RGS7: variants seen among roughly 807,000 people sequenced by gnomAD.
RGS7 encodes regulator of G-protein signaling 7.
Under a neutral mutation model 81.1 loss-of-function variants are expected in RGS7, and 27 were observed. That is an observed-to-expected ratio of 0.33 (90% CI 0.25 to 0.46). RGS7 has a LOEUF of 0.46. RGS7 is among the 20% of genes least tolerant of loss of function. RGS7 has a pLI of 1.00. For missense variants in RGS7, 396 were observed against 607.4 expected (o/e 0.65, Z 3.66); for synonymous variants, 208 against 207.7 (o/e 1.00, Z -0.01).
chr1:241,034,544 CAA>C (rs140438950), intron 3 of RGS7, among the ~76,000 whole-genome samples: 2,988 of 152,196 alleles, frequency 0.02, 95 homozygotes, highest in African/African-American at 0.067. Context: ...CATTTGATGA[CAA>C]AGAGTCATGA....
chr1:241,043,131 T>C (rs1483878603), intron 3 of RGS7, among the ~76,000 whole-genome samples: 2 of 152,190 alleles, frequency 1.3e-5, no homozygotes, highest in African/African-American at 4.8e-5. Flanking sequence ...ACACGAGTTT[T>C]TGAAATTATT....
At chr1:241,286,698 GC>G (rs1310511428) in intron 2 of RGS7, among the ~76,000 whole-genome samples, 3 of 152,130 alleles carry the variant, frequency 2.0e-5, no homozygotes, top group Non-Finnish European at 4.4e-5. Flanking sequence ...CTGAACAAGT[GC>G]CAGCACCCTG....
intron 6 of RGS7, among the ~76,000 whole-genome samples, chr1:240,874,600 T>A (rs920614673): frequency 6.6e-6 from 1 of 152,188 alleles, no homozygotes; most frequent in African/African-American, 2.4e-5. Context: ...TTTAAAATAT[T>A]TTAGTTGATA....
intron 6 of RGS7, among the ~76,000 whole-genome samples, chr1:240,930,315 A>G (rs1675209470): frequency 1.3e-5 from 2 of 150,122 alleles, no homozygotes; most frequent in Admixed American, 6.7e-5. Flanking sequence ...CAGAACAGTG[A>G]GAAAAGCGGA....
In RGS7 at chr1:241,345,185, G is replaced by A. The variant is rs148147830; in HGVS notation, c.78+10514C>T. 9.6e-3 allele frequency among the ~76,000 whole-genome samples: 1,468 copies of A among 152,320 alleles called. 18 individuals carry two copies. Among genetic ancestry groups the A allele is most frequent in the Non-Finnish European group, 0.013 (883 of 68,028 alleles). On this transcript the variant is annotated intron_variant, in intron 2 of 18. Coordinates refer to ENST00000440928, the MANE Select transcript of RGS7 (RefSeq NM_001364886.1). ...TACTTATAAGTAGGAGCTAAATGAT[G>A]AGAACACATGGACACATAGAAGGGA...
intron 9 of RGS7, among the ~76,000 whole-genome samples, chr1:240,838,219 T>G (rs1264005388): frequency 6.6e-6 from 1 of 152,234 alleles, no homozygotes; most frequent in Non-Finnish European, 1.5e-5. Flanking sequence ...AGAAGGTTCC[T>G]TCTTGCTGTT....
chr1:241,206,612 G>T (rs553051246), intron 2 of RGS7, among the ~76,000 whole-genome samples: 1 of 152,272 alleles, frequency 6.6e-6, no homozygotes, highest in Non-Finnish European at 1.5e-5. Flanking sequence ...AGATGGAACT[G>T]CCATCTATGT....
At chr1:241,079,429 T>C (rs1233327957) in intron 3 of RGS7, among the ~76,000 whole-genome samples, 1 of 151,776 alleles carries the variant, frequency 6.6e-6, no homozygotes, top group Non-Finnish European at 1.5e-5. Flanking sequence ...GAGAATAAAA[T>C]GTCAGGTAAG....
At chr1:241,291,853 C>T (rs989959400) in intron 2 of RGS7, among the ~76,000 whole-genome samples, 2 of 152,130 alleles carry the variant, frequency 1.3e-5, no homozygotes, top group African/African-American at 4.8e-5. Flanking sequence ...GGATTACAGG[C>T]GTGAGCCACC....
At chr1:241,073,731 C>T (rs1239808090) in intron 3 of RGS7, among the ~76,000 whole-genome samples, 3 of 152,162 alleles carry the variant, frequency 2.0e-5, no homozygotes, top group African/African-American at 2.4e-5. Context: ...TACAGTCATA[C>T]AGTTAATAAG....
chr1:240,965,396 CGATT>C (rs1682124450), intron 4 of RGS7, among the ~76,000 whole-genome samples: 1 of 152,186 alleles, frequency 6.6e-6, no homozygotes. Flanking sequence ...TGCTTGAAAT[CGATT>C]ATTTGGTAAA....
intron 2 of RGS7, among the ~76,000 whole-genome samples, chr1:241,234,682 A>G (rs1384631870): frequency 2.6e-5 from 4 of 151,958 alleles, no homozygotes; most frequent in Non-Finnish European, 5.9e-5. Context: ...AAGACACACA[A>G]TTCTCCCTGC....
chr1:241,238,399 A>T (rs1230847864), intron 2 of RGS7, among the ~76,000 whole-genome samples: 11 of 152,164 alleles, frequency 7.2e-5, no homozygotes. Flanking sequence ...CTAACCGAGG[A>T]CCAACTATTT....
intron 6 of RGS7, among the ~76,000 whole-genome samples, chr1:240,884,488 A>C (rs1056637601): frequency 3.9e-5 from 6 of 152,204 alleles, no homozygotes; most frequent in African/African-American, 1.4e-4. Context: ...GCTGGAGAAC[A>C]CTGATGAATG....
chr1:241,277,524 C>T (rs943376182), intron 2 of RGS7, among the ~76,000 whole-genome samples: 1 of 151,478 alleles, frequency 6.6e-6, no homozygotes, highest in African/African-American at 2.4e-5. Flanking sequence ...GAGGCTGTGG[C>T]AGGAGAATGG....
chr1:241,050,671 G>A (rs889540575), intron 3 of RGS7, among the ~76,000 whole-genome samples: 1 of 151,876 alleles, frequency 6.6e-6, no homozygotes, highest in Non-Finnish European at 1.5e-5. Context: ...CAACACCAAC[G>A]CCTCCTCCTC....
At chr1:241,208,955 G>C (rs117988668) in intron 2 of RGS7, among the ~76,000 whole-genome samples, 1 of 152,202 alleles carries the variant, frequency 6.6e-6, no homozygotes, top group African/African-American at 2.4e-5. Flanking sequence ...ACCTATCAGC[G>C]CTCAGGCAGA....
rs369439904 is a variant in RGS7 at position 241,255,239 on chromosome 1, T to C, written c.78+100460A>G. ...ATCAGCTGAGTCCTAATTTATGAGG[T>C]ATAAATAAATGTATTTTGAGCTTCT... On this transcript the variant is annotated intron_variant, in intron 2 of 18. Coordinates refer to ENST00000440928, the MANE Select transcript of RGS7 (RefSeq NM_001364886.1). Among the ~76,000 whole-genome samples the C allele has an allele frequency of 2.0e-5, 3 of 152,332 alleles. 1 individual carries two copies. Among genetic ancestry groups the C allele is most frequent in the African/African-American group, 7.2e-5 (3 of 41,582 alleles).
chr1:240,930,510 G>C (rs895716060), intron 6 of RGS7, among the ~76,000 whole-genome samples: 1 of 152,066 alleles, frequency 6.6e-6, no homozygotes, highest in Non-Finnish European at 1.5e-5. Context: ...TTTAATAGTT[G>C]CAGAGGGCAC....
Sources: allele counts gnomAD v4.1 joint callset (sites outside exome capture counted in the v4.1 genomes callset), GRCh38; gene constraint gnomAD v4.1.1; transcripts MANE v1.5; gene names NCBI Gene and HGNC (gene_info 2026-07-23, HGNC 2026-07-21).